The following ABL2 variants were observed in gnomAD, a reference collection of about 807,000 sequenced individuals.
ABL2 encodes tyrosine-protein kinase ABL2.
Under a neutral mutation model 107.7 loss-of-function variants are expected in ABL2, and 49 were observed. The observed-to-expected ratio is 0.45, with a 90% CI of 0.36 to 0.58. The LOEUF is 0.58. Ranked by LOEUF, ABL2 falls within the 20% of genes least tolerant of loss-of-function variation. ABL2 has a pLI of 0.00. For missense variants in ABL2, 1,245 were observed against 1,457.0 expected (o/e 0.85, Z 2.37); for synonymous variants, 549 against 548.6 (o/e 1.00, Z -0.01).
intron 1 of ABL2, among the ~76,000 whole-genome samples, chr1:179,173,352 G>C (rs948748644): frequency 2.0e-5 from 3 of 147,274 alleles, no homozygotes; most frequent in African/African-American, 7.5e-5. Context: ...AGTTAGAAAG[G>C]CTGTAATTTT....
At chr1:179,143,863 A>G (rs1657804003) in intron 1 of ABL2, among the ~76,000 whole-genome samples, 1 of 151,392 alleles carries the variant, frequency 6.6e-6, no homozygotes, top group Non-Finnish European at 1.5e-5. Context: ...CGCCCAGCTA[A>G]TTTTTTGTAT....
chr1:179,185,456 T>A (rs190695409), intron 1 of ABL2, among the ~76,000 whole-genome samples: 33 of 152,156 alleles, frequency 2.2e-4, no homozygotes, highest in South Asian at 6.2e-4. Flanking sequence ...TTAAAAAAAA[T>A]TTTTTTGTTT....
rs1391752186 is a variant in ABL2, at chr1:179,142,908, T to C, written c.158-9534A>G. 4 of 1,609,946 alleles carry C rather than the reference T, an allele frequency of 2.5e-6. No homozygotes were observed. In the Admixed American group the frequency reaches 6.8e-5, roughly 27 times the overall value. On this transcript the variant is annotated intron_variant, in intron 1 of 11. Transcript: ENST00000502732. ...GATTAATGTGGTTATCAAGCCTCCC[T>C]GAAACTATCAACTCTGAACCATACC...
intron 8 of ABL2, among the ~76,000 whole-genome samples, chr1:179,116,543 T>C (rs779887760): frequency 3.3e-4 from 42 of 127,356 alleles, no homozygotes; most frequent in Non-Finnish European, 5.9e-4. Context: ...AGAGTTTTGT[T>C]CTTGTTGCCC....
intron 1 of ABL2, among the ~76,000 whole-genome samples, chr1:179,157,556 T>C (rs768765780): frequency 7.3e-5 from 11 of 151,718 alleles, no homozygotes; most frequent in Non-Finnish European, 1.5e-4. Context: ...CTGAAAAACA[T>C]CCAAAATTCG....
rs545866727 is a variant in ABL2 at position 179,174,926 on chromosome 1, T to A, written c.158-41552A>T. ...AAAAAAAATAAAATAAAAAAAATAA[T>A]AATAATAATAATAATAATTCTATTG... On this transcript the variant is annotated intron_variant, in intron 1 of 11. Transcript: ENST00000502732. 5.8e-3 allele frequency among the ~76,000 whole-genome samples: 839 copies of A among 144,542 alleles called. 7 individuals carry two copies. Among genetic ancestry groups the A allele is most frequent in the Non-Finnish European group, 8.2e-3 (539 of 65,832 alleles). 94.8% of individuals were successfully genotyped at this position (144,542 alleles called of 152,430 possible). A position where few individuals can be genotyped will look rare whatever the true frequency, so the allele number is the denominator to read the frequency against.
At chr1:179,125,954 T>A (rs553026005) in intron 4 of ABL2, among the ~76,000 whole-genome samples, 34 of 152,364 alleles carry the variant, frequency 2.2e-4, no homozygotes, top group African/African-American at 7.9e-4. Flanking sequence ...TTTCAGTTAA[T>A]ATACATTAAT....
Position 179,107,568 on chromosome 1 carries a change from G to A in ABL2, c.*150C>T. 2.1e-6 allele frequency: 3 copies of A among 1,421,302 alleles called. No homozygotes were observed. The highest frequency in any genetic ancestry group is 2.8e-6 in the Non-Finnish European group (3 of 1,078,814). The allele number at this position is 1,421,302 out of a possible 1,614,324, so 88.0% of individuals were successfully genotyped here. ...TGCTTCTTATTTTTGAGATGAAACTGTAAACGTGAGAACTCAGGGATCTGA... is the reference window on the plus strand; with the variant it reads ...TGCTTCTTATTTTTGAGATGAAACTATAAACGTGAGAACTCAGGGATCTGA... On this transcript the variant is annotated 3_prime_UTR_variant, in exon 12 of 12. Coordinates refer to ENST00000502732, the MANE Select transcript of ABL2 (RefSeq NM_007314.4).
intron 1 of ABL2, among the ~76,000 whole-genome samples, chr1:179,163,987 T>G (rs1261685057): frequency 6.6e-6 from 1 of 152,126 alleles, no homozygotes. Context: ...TCTATGACAC[T>G]GCTGAAAGAC....
intron 1 of ABL2, among the ~76,000 whole-genome samples, chr1:179,204,995 C>T (rs1661875333): frequency 6.6e-6 from 1 of 151,154 alleles, no homozygotes; most frequent in Admixed American, 6.6e-5. Flanking sequence ...AAATATTTAG[C>T]AACCAGCAGA....
At chr1:179,141,658 G>A (rs766604300) in intron 1 of ABL2, among the ~76,000 whole-genome samples, 8 of 152,036 alleles carry the variant, frequency 5.3e-5, no homozygotes, top group Non-Finnish European at 7.4e-5. Context: ...CTGGTTTTAC[G>A]GTCTTTTTGG....
At chr1:179,172,178 TA>T (rs1659761975) in intron 1 of ABL2, among the ~76,000 whole-genome samples, 1 of 152,226 alleles carries the variant, frequency 6.6e-6, no homozygotes, top group Non-Finnish European at 1.5e-5. Flanking sequence ...TGGTATATGC[TA>T]CACTTAAAGA....
chr1:179,137,484 ACT>A (rs1226286929), intron 1 of ABL2, among the ~76,000 whole-genome samples: 3 of 152,050 alleles, frequency 2.0e-5, no homozygotes, highest in Non-Finnish European at 2.9e-5. Flanking sequence ...GTTTATAAAT[ACT>A]CTGTTTAATG....
rs541103047 is a variant in ABL2 at position 179,130,638 on chromosome 1, T to C, written c.391+673A>G. 2.0e-5 allele frequency among the ~76,000 whole-genome samples: 3 copies of C among 152,206 alleles called. No homozygotes were observed. The South Asian group carries it at 6.2e-4, about 32-fold the overall frequency. On this transcript the variant is annotated intron_variant, in intron 3 of 11. Transcript: ENST00000502732. ...TTTGATTTCCATTATAGTAATATTC[T>C]CAAGAGAGTGGTAGTTTATTTCCGT...
chr1:179,119,261 G>A (rs1319886392), intron 6 of ABL2, among the ~76,000 whole-genome samples: 1 of 152,070 alleles, frequency 6.6e-6, no homozygotes, highest in Non-Finnish European at 1.5e-5. Context: ...CCAACAAGAG[G>A]CCGGGTGCAG....
chr1:179,208,621 C>T (rs539064029), intron 1 of ABL2, among the ~76,000 whole-genome samples: 1 of 152,324 alleles, frequency 6.6e-6, no homozygotes, highest in South Asian at 2.1e-4. Context: ...ACAAAACTTA[C>T]AATCAAGCTC....
intron 1 of ABL2, among the ~76,000 whole-genome samples, chr1:179,187,785 T>C (rs1284389092): frequency 6.6e-6 from 1 of 152,190 alleles, no homozygotes; most frequent in South Asian, 2.1e-4. Flanking sequence ...TAGTACAGTG[T>C]TGTATACTCT....
rs141450341 is a variant in ABL2, at chr1:179,109,277, T to C, written c.1990A>G (p.Thr664Ala). 11 of 1,613,852 alleles carry C rather than the reference T, an allele frequency of 6.8e-6. No individual in the cohort carries two copies. The highest frequency in any genetic ancestry group is 1.3e-5 in the African/African-American group (1 of 74,848). Residue 664 changes from threonine (T) to alanine (A), a missense_variant, in exon 12 of 12, where the codon ACA becomes GCA. Thr to Ala is a moderately conservative substitution (Grantham distance 58). Transcript: ENST00000502732. ...AAGGAGCTGCTGCGTTTGGGGGGTG[T>C]AGGAGCATTTCTCTTCTTCATGAAG... ...SSFMKKRNAP[T>A]PPKRSSSFRE...
At chr1:179,158,900 C>T (rs1326399428) in intron 1 of ABL2, among the ~76,000 whole-genome samples, 3 of 152,132 alleles carry the variant, frequency 2.0e-5, no homozygotes, top group Non-Finnish European at 4.4e-5. Flanking sequence ...TCTAGTTGTA[C>T]TTAATGAGAA....
Sources: gnomAD v4.1 joint callset for allele counts (sites outside exome capture counted in the v4.1 genomes callset) on GRCh38, gnomAD v4.1.1 for gene constraint, MANE v1.5 for transcripts, NCBI Gene and HGNC (gene_info 2026-07-23, HGNC 2026-07-21) for gene names.